Variants in PARPBP observed in about 807,000 individuals in gnomAD.
The protein encoded by PARPBP is PCNA-interacting partner.
PARPBP carries 52 observed loss-of-function variants against 50.0 expected under a neutral mutation model. The observed-to-expected ratio is 1.04, with a 90% CI of 0.83 to 1.31. The LOEUF (loss-of-function observed/expected upper bound fraction) is 1.31. PARPBP is among the 50% of genes most tolerant of loss of function. PARPBP has a pLI of 0.00. For missense variants in PARPBP, 697 were observed against 672.0 expected, an observed-to-expected ratio of 1.04 and a Z score of -0.41; for synonymous variants, 244 against 232.1, an observed-to-expected ratio of 1.05 and a Z score of -0.47.
At chr12:102,132,743 A>T (rs1883057916) in intron 2 of PARPBP, among the ~76,000 whole-genome samples, 1 of 152,140 alleles carries the variant, frequency 6.6e-6, no homozygotes, top group Non-Finnish European at 1.5e-5. Flanking sequence ...ATTGCTTTGG[A>T]TAATATGGAC....
chr12:102,172,161 C>T (rs1394372592), intron 6 of PARPBP, among the ~76,000 whole-genome samples: 1 of 152,164 alleles, frequency 6.6e-6, no homozygotes, highest in Admixed American at 6.5e-5. Context: ...TCTCTTTCTG[C>T]CCCAGGGCAC....
chr12:102,196,486 G>T lies in PARPBP; in HGVS notation c.*195G>T. ...ATGCAGAATTTTCACAAAGTTTAAT[G>T]CACAGAGAAAGCATATCATTTCAGT... On this transcript the variant is annotated 3_prime_UTR_variant, in exon 11 of 11. Coordinates refer to ENST00000327680, the MANE Select transcript of PARPBP (RefSeq NM_017915.5). 1 of 736,954 alleles carries T rather than the reference G, an allele frequency of 1.4e-6. No individual in the cohort carries two copies. Among genetic ancestry groups the T allele is most frequent in the Non-Finnish European group, 2.4e-6 (1 of 423,782 alleles). 45.7% of individuals were successfully genotyped at this position (736,954 alleles called of 1,614,324 possible).
rs1049553303 is a variant in PARPBP, at chr12:102,167,483, A to C, written c.821+1600A>C. Among the ~76,000 whole-genome samples the C allele has an allele frequency of 4.6e-5, 7 of 152,010 alleles. No individual in the cohort carries two copies. The South Asian group carries it at 1.2e-3, about 27-fold the overall frequency. On this transcript the variant is annotated intron_variant, in intron 6 of 10. Transcript: ENST00000327680. ...TGTGGTGATTCTGAACTGTCCTTTC[A>C]TATTTAAGAGTGAGGCCCTATAGAG... is the stretch of plus-strand genomic sequence containing the variant.
intron 3 of PARPBP, among the ~76,000 whole-genome samples, chr12:102,152,915 A>G (rs1299415598): frequency 6.6e-6 from 1 of 150,972 alleles, no homozygotes; most frequent in South Asian, 2.1e-4. Flanking sequence ...TAATTTTCCA[A>G]GTAGAAGAAC....
chr12:102,195,040 T>G (rs1011878035), intron 9 of PARPBP, among the ~76,000 whole-genome samples: 1 of 151,134 alleles, frequency 6.6e-6, no homozygotes. Context: ...CTGCGAAGAG[T>G]CTAAAATTGA....
chr12:102,128,335 C>T (rs1049330043), intron 2 of PARPBP, among the ~76,000 whole-genome samples: 1 of 152,154 alleles, frequency 6.6e-6, no homozygotes, highest in Non-Finnish European at 1.5e-5. Flanking sequence ...GGGTTCACGC[C>T]ATTTTTCTGC....
intron 8 of PARPBP, among the ~76,000 whole-genome samples, chr12:102,179,587 G>T (rs1311293718): frequency 6.6e-6 from 1 of 152,172 alleles, no homozygotes; most frequent in Non-Finnish European, 1.5e-5. Context: ...CATGGAGAGA[G>T]ATCTCTTTGT....
intron 4 of PARPBP, among the ~76,000 whole-genome samples, chr12:102,156,471 T>C (rs1031779473): frequency 6.7e-6 from 1 of 150,334 alleles, no homozygotes; most frequent in Non-Finnish European, 1.5e-5. Flanking sequence ...GGATTACAGG[T>C]GTGAGCCACT....
intron 1 of PARPBP, among the ~76,000 whole-genome samples, chr12:102,122,619 T>C (rs1054276304): frequency 6.6e-6 from 1 of 152,228 alleles, no homozygotes; most frequent in African/African-American, 2.4e-5. Flanking sequence ...GGATGCCTTA[T>C]ATAGTCTTGG....
At chr12:102,150,488 G>T (rs751939153) in intron 3 of PARPBP, 13 of 333,950 alleles carry the variant, frequency 3.9e-5, no homozygotes, top group Non-Finnish European at 7.0e-5. Flanking sequence ...GGATTATGAG[G>T]AATTAAGATA....
At chr12:102,147,514 A>G (rs1045207649) in intron 2 of PARPBP, among the ~76,000 whole-genome samples, 4 of 143,582 alleles carry the variant, frequency 2.8e-5, no homozygotes, top group South Asian at 2.3e-4. Flanking sequence ...GAATTGAACA[A>G]TGAGAACACA....
intron 3 of PARPBP, among the ~76,000 whole-genome samples, chr12:102,149,889 T>C (rs142813748): frequency 2.0e-5 from 3 of 152,332 alleles, no homozygotes; most frequent in African/African-American, 7.2e-5. Context: ...GAGATGATTT[T>C]TGTCTATTTT....
chr12:102,157,812 G>C (rs866555724), intron 4 of PARPBP, among the ~76,000 whole-genome samples: 1 of 151,952 alleles, frequency 6.6e-6, no homozygotes, highest in Non-Finnish European at 1.5e-5. Flanking sequence ...AGTTATTTCT[G>C]TAGTATCTAT....
At chr12:102,135,866 C>T (rs978195679) in intron 2 of PARPBP, among the ~76,000 whole-genome samples, 1 of 152,156 alleles carries the variant, frequency 6.6e-6, no homozygotes, top group African/African-American at 2.4e-5. Flanking sequence ...TCAGTATCTT[C>T]TAGTTTTACC....
At chr12:102,156,737 G>A (rs1886990681) in intron 4 of PARPBP, among the ~76,000 whole-genome samples, 3 of 152,180 alleles carry the variant, frequency 2.0e-5, no homozygotes, top group African/African-American at 7.2e-5. Flanking sequence ...TGCCTCCCAG[G>A]TTCAAGCGAT....
At position 102,196,345 on chromosome 12, in the gene PARPBP, C is replaced by A; in HGVS notation, c.*54C>A. On this transcript the variant is annotated 3_prime_UTR_variant, in exon 11 of 11. Coordinates refer to ENST00000327680, the MANE Select transcript of PARPBP (RefSeq NM_017915.5). ...GTATCTATAAACCATTCACCAAAGA[C>A]ATGCTTAATTTTTAAGAGATCAAGG... The A allele has an allele frequency of 8.6e-7, 1 of 1,169,464 alleles. No homozygotes were observed. Among genetic ancestry groups the A allele is most frequent in the Non-Finnish European group, 1.2e-6 (1 of 821,670 alleles). 72.4% of individuals were successfully genotyped at this position (1,169,464 alleles called of 1,614,324 possible).
chr12:102,164,639 A>T (rs1465403058), intron 5 of PARPBP, 31 bp downstream of exon 5: 1 of 1,581,212 alleles, frequency 6.3e-7, no homozygotes, highest in African/African-American at 1.3e-5. Flanking sequence ...CAAAATTAAG[A>T]CTCCTTGCAC....
At chr12:102,122,020 A>G (rs1881218857) in intron 1 of PARPBP, among the ~76,000 whole-genome samples, 1 of 152,192 alleles carries the variant, frequency 6.6e-6, no homozygotes, top group Admixed American at 6.5e-5. Flanking sequence ...AGGCAGGGAA[A>G]GGTGATGTAA....
intron 3 of PARPBP, 168 bp downstream of exon 3, chr12:102,148,631 A>G (rs111302824): frequency 4.4e-6 from 2 of 452,592 alleles, no homozygotes; most frequent in East Asian, 3.4e-5. Context: ...CTTGAAAGAA[A>G]GATTTTGTGG....
Sources: gnomAD v4.1 joint callset for allele counts (sites outside exome capture counted in the v4.1 genomes callset) on GRCh38, gnomAD v4.1.1 for gene constraint, MANE v1.5 for transcripts, NCBI Gene and HGNC (gene_info 2026-07-23, HGNC 2026-07-21) for gene names.